The following AUTS2 variants were observed in gnomAD, a reference collection of about 807,000 sequenced individuals.
AUTS2 encodes activator of transcription and developmental regulator AUTS2.
Under a neutral mutation model 112.4 loss-of-function variants are expected in AUTS2, and 17 were observed. That is an observed-to-expected ratio of 0.15 (90% CI 0.10 to 0.23). The LOEUF (loss-of-function observed/expected upper bound fraction) is 0.23. AUTS2 is among the 10% of genes least tolerant of loss of function. AUTS2 has a pLI of 1.00. For missense variants in AUTS2, 1,510 were observed against 1,701.6 expected (o/e 0.89, Z 1.98); for synonymous variants, 751 against 702.7 (o/e 1.07, Z -1.09).
Position 69,735,484 on chromosome 7 carries a change from AC to A in AUTS2, c.309+135524del, listed in dbSNP as rs537522952. ...CATCCTTTGAGAGATACTACTTTTT[AC>A]CTTCTAATTATTTAACCCATGAAAC... On this transcript the variant is annotated intron_variant, in intron 1 of 18. Transcript: ENST00000342771. 3.5e-3 allele frequency among the ~76,000 whole-genome samples: 534 copies of A among 152,248 alleles called. 2 individuals carry two copies. Among genetic ancestry groups the A allele is most frequent in the African/African-American group, 0.012 (509 of 41,564 alleles).
At chr7:70,033,984 A>G (rs965684369) in intron 2 of AUTS2, among the ~76,000 whole-genome samples, 2 of 152,178 alleles carry the variant, frequency 1.3e-5, no homozygotes, top group African/African-American at 4.8e-5. Flanking sequence ...GCATAAGGAA[A>G]TGATAAATGT....
rs117632225 is a variant in AUTS2, at chr7:69,676,924, A to G, written c.309+76962A>G. Reference sequence around the variant, plus strand: ...GTAAAGGAAGTGCATTATGTTTCATATGTAGATGCTTTTCAAGAACACACA... The same window carrying G: ...GTAAAGGAAGTGCATTATGTTTCATGTGTAGATGCTTTTCAAGAACACACA... On this transcript the variant is annotated intron_variant, in intron 1 of 18. Coordinates refer to ENST00000342771, the MANE Select transcript of AUTS2 (RefSeq NM_015570.4). Among the ~76,000 whole-genome samples the G allele has an allele frequency of 2.7e-3, 404 of 151,824 alleles. 1 individual carries two copies. Among genetic ancestry groups the G allele is most frequent in the Non-Finnish European group, 4.7e-3 (319 of 67,954 alleles).
At chr7:70,263,243 T>C (rs1296181096) in intron 4 of AUTS2, among the ~76,000 whole-genome samples, 2 of 152,184 alleles carry the variant, frequency 1.3e-5, no homozygotes, top group African/African-American at 2.4e-5. Context: ...CTAATCTCTG[T>C]TTAATATAGG....
chr7:69,809,718 A>G (rs1258399405), intron 1 of AUTS2, among the ~76,000 whole-genome samples: 1 of 152,190 alleles, frequency 6.6e-6, no homozygotes, highest in Admixed American at 6.5e-5. Flanking sequence ...CCATGATCAC[A>G]TACTGGAATG....
chr7:69,818,225 G>A (rs559242706), intron 1 of AUTS2, among the ~76,000 whole-genome samples: 8 of 152,274 alleles, frequency 5.3e-5, no homozygotes, highest in South Asian at 2.1e-4. Context: ...CGCTGAAGCC[G>A]TCTTTTCCTC....
chr7:69,715,482 A>G (rs1158883718), intron 1 of AUTS2, among the ~76,000 whole-genome samples: 3 of 152,190 alleles, frequency 2.0e-5, no homozygotes, highest in Non-Finnish European at 2.9e-5. Flanking sequence ...CAGACAGGGA[A>G]GGTGAAGCCT....
chr7:70,313,926 G>T (rs1789875420), intron 4 of AUTS2, among the ~76,000 whole-genome samples: 1 of 152,200 alleles, frequency 6.6e-6, no homozygotes, highest in African/African-American at 2.4e-5. Flanking sequence ...AACTCCCACA[G>T]AATTAATTAG....
At chr7:69,826,761 T>G (rs1406816404) in intron 1 of AUTS2, among the ~76,000 whole-genome samples, 1 of 152,220 alleles carries the variant, frequency 6.6e-6, no homozygotes, top group Non-Finnish European at 1.5e-5. Context: ...TTTCTCAGTC[T>G]ATGTTGTGTG....
At chr7:70,090,707 G>C (rs1803869248) in intron 2 of AUTS2, among the ~76,000 whole-genome samples, 1 of 144,022 alleles carries the variant, frequency 6.9e-6, no homozygotes. Flanking sequence ...TTTTGAGGCG[G>C]AGTCTCGGTC....
At chr7:69,786,598 G>T (rs1789387425) in intron 1 of AUTS2, among the ~76,000 whole-genome samples, 2 of 152,144 alleles carry the variant, frequency 1.3e-5, no homozygotes, top group African/African-American at 4.8e-5. Context: ...CCACCTTTAA[G>T]AGCTGTAACA....
chr7:70,661,512 A>G (rs1426594074), intron 5 of AUTS2, among the ~76,000 whole-genome samples: 1 of 152,204 alleles, frequency 6.6e-6, no homozygotes, highest in Non-Finnish European at 1.5e-5. Flanking sequence ...TTGCTGTTGT[A>G]GCTCCGCTAC....
chr7:70,229,025 A>G (rs1350265072), intron 4 of AUTS2, among the ~76,000 whole-genome samples: 2 of 151,724 alleles, frequency 1.3e-5, no homozygotes, highest in Admixed American at 6.6e-5. Context: ...CTATTATTAT[A>G]TATATTAATC....
At chr7:70,553,380 G>C (rs1220255155) in intron 5 of AUTS2, among the ~76,000 whole-genome samples, 1 of 152,160 alleles carries the variant, frequency 6.6e-6, no homozygotes, top group Non-Finnish European at 1.5e-5. Flanking sequence ...CACTGCAAGG[G>C]GGAAAATGAC....
intron 2 of AUTS2, among the ~76,000 whole-genome samples, chr7:70,060,698 T>C (rs1273932924): frequency 4.6e-5 from 7 of 152,348 alleles, no homozygotes; most frequent in Non-Finnish European, 1.0e-4. Flanking sequence ...AGAAGTAGCA[T>C]TGCAAAACTT....
rs1250501232 is a variant in AUTS2, at chr7:70,203,233, T to C, written c.660+68662T>C. Among the ~76,000 whole-genome samples, 18 of 118,220 alleles carry C rather than the reference T, an allele frequency of 1.5e-4. No homozygotes were observed. In the East Asian group the frequency reaches 3.3e-3, roughly 22 times the overall value. The allele number at this position is 118,220 out of a possible 152,430, so 77.6% of individuals were successfully genotyped here. On this transcript the variant is annotated intron_variant, in intron 4 of 18. Coordinates refer to ENST00000342771, the MANE Select transcript of AUTS2 (RefSeq NM_015570.4). ...GGGGGAGGGATAGCATTGGGAGATA[T>C]ACCTAATGCTAGATGACACATTAGT...
intron 4 of AUTS2, among the ~76,000 whole-genome samples, chr7:70,361,177 C>CA: frequency 6.6e-6 from 1 of 152,112 alleles, no homozygotes; most frequent in African/African-American, 2.4e-5. Flanking sequence ...ACTAAAAATA[C>CA]AAAAAATTAG....
chr7:70,278,649 A>G (rs1161011957), intron 4 of AUTS2, among the ~76,000 whole-genome samples: 1 of 152,216 alleles, frequency 6.6e-6, no homozygotes, highest in African/African-American at 2.4e-5. Context: ...ATACATGCAT[A>G]CAAATGAGGA....
chr7:70,462,326 A>C (rs1385111947), intron 5 of AUTS2, among the ~76,000 whole-genome samples: 1 of 152,132 alleles, frequency 6.6e-6, no homozygotes, highest in Non-Finnish European at 1.5e-5. Context: ...TTTTTGGAAA[A>C]AAGCAATTAA....
chr7:70,551,380 T>C (rs1256173002), intron 5 of AUTS2, among the ~76,000 whole-genome samples: 1 of 152,056 alleles, frequency 6.6e-6, no homozygotes, highest in African/African-American at 2.4e-5. Context: ...ACAATATCAG[T>C]AGTCACAAAT....
Sources: gnomAD v4.1 joint callset for allele counts (sites outside exome capture counted in the v4.1 genomes callset) on GRCh38, gnomAD v4.1.1 for gene constraint, MANE v1.5 for transcripts, NCBI Gene and HGNC (gene_info 2026-07-23, HGNC 2026-07-21) for gene names.